RBM19: variants seen among roughly 807,000 people sequenced by gnomAD.
The protein encoded by RBM19 is probable RNA-binding protein 19.
Under a neutral mutation model 116.8 loss-of-function variants are expected in RBM19, and 94 were observed. The observed-to-expected ratio is 0.80, with a 90% CI of 0.68 to 0.95. The LOEUF (loss-of-function observed/expected upper bound fraction) is 0.95, where lower values mean the gene tolerates loss of function less well. Ranked by LOEUF, RBM19 falls within the 40% of genes least tolerant of loss-of-function variation. The pLI, the probability that RBM19 is intolerant of heterozygous loss-of-function variation, is 0.00. For missense variants in RBM19, 1,161 were observed against 1,220.7 expected (o/e 0.95, Z 0.73); for synonymous variants, 475 against 494.1 (o/e 0.96, Z 0.51).
intron 13 of RBM19, 57 bp from the exon 14 acceptor site, chr12:113,942,491 C>A: frequency 7.1e-7 from 1 of 1,407,322 alleles, no homozygotes; most frequent in Non-Finnish European, 9.7e-7. Flanking sequence ...ACTTGCTGGC[C>A]CTCCCATCTC....
At chr12:113,958,117 G>T in intron 5 of RBM19, 67 bp from the exon 6 acceptor site, 1 of 1,540,110 alleles carries the variant, frequency 6.5e-7, no homozygotes. Flanking sequence ...GGTAGCAAAT[G>T]GTAGATGGTC....
rs1313786859 is a variant in RBM19, at chr12:113,858,885, T to A, written c.2570A>T (p.Glu857Val). The change falls in exon 22 of 24, where the codon GAG becomes GTG. Residue 857 changes from glutamate (E) to valine (V), a missense_variant. Transcript: ENST00000261741. ...CTTTGGCAGGCGGACCGTCTTCAACTCCCCAAAGGTGCTAGAAACAAAAGG... is the reference window on the plus strand; with the variant it reads ...CTTTGGCAGGCGGACCGTCTTCAACACCCCAAAGGTGCTAGAAACAAAAGG... ...EIRELFSTFG[E>V]LKTVRLPKKM... The A allele has an allele frequency of 1.2e-6, 2 of 1,614,066 alleles. No homozygotes were observed. Among genetic ancestry groups the A allele is most frequent in the Non-Finnish European group, 1.7e-6 (2 of 1,180,032 alleles).
At chr12:113,897,309 G>T (rs1425852704) in intron 21 of RBM19, among the ~76,000 whole-genome samples, 1 of 152,212 alleles carries the variant, frequency 6.6e-6, no homozygotes, top group African/African-American at 2.4e-5. Context: ...GGGATTACAG[G>T]CGCCCACCAC....
chr12:113,945,991 C>T (rs1054550826), intron 12 of RBM19, 67 bp from the exon 13 acceptor site: 8 of 1,406,618 alleles, frequency 5.7e-6, no homozygotes, highest in Admixed American at 5.5e-5. Flanking sequence ...TTCTCAGACA[C>T]GAATCCTGTA....
intron 22 of RBM19, 105 bp from the exon 23 acceptor site, chr12:113,844,893 G>C (rs1876824377): frequency 6.9e-7 from 1 of 1,443,850 alleles, no homozygotes; most frequent in Admixed American, 2.4e-5. Context: ...CCAAAGCCCA[G>C]GTTCTGGCCC....
chr12:113,938,186 T>C (rs766140573), intron 15 of RBM19, among the ~76,000 whole-genome samples: 1 of 152,106 alleles, frequency 6.6e-6, no homozygotes, highest in Non-Finnish European at 1.5e-5. Flanking sequence ...GTGACTGGCA[T>C]GTCCTCCCAA....
intron 21 of RBM19, among the ~76,000 whole-genome samples, chr12:113,893,705 G>A (rs1451404523): frequency 2.0e-5 from 3 of 152,154 alleles, no homozygotes; most frequent in South Asian, 2.1e-4. Context: ...AGGTATCAGC[G>A]TTTTAAAGAA....
chr12:113,927,679 T>C (rs1333407365), intron 16 of RBM19, among the ~76,000 whole-genome samples: 1 of 150,584 alleles, frequency 6.6e-6, no homozygotes, highest in Non-Finnish European at 1.5e-5. Flanking sequence ...AATTACAGAA[T>C]GGGAACAAAA....
At chr12:113,857,962 C>G (rs1319402791) in intron 22 of RBM19, among the ~76,000 whole-genome samples, 3 of 152,252 alleles carry the variant, frequency 2.0e-5, no homozygotes, top group Non-Finnish European at 4.4e-5. Flanking sequence ...TTTATTTTAG[C>G]CTTGAGGAAT....
intron 7 of RBM19, 45 bp downstream of exon 7, chr12:113,955,086 C>A (rs1001032628): frequency 1.3e-6 from 2 of 1,595,404 alleles, no homozygotes; most frequent in African/African-American, 2.7e-5. Flanking sequence ...ACCCTCGTCT[C>A]CTGCTCCCGC....
chr12:113,915,023 AG>A lies in RBM19; in HGVS notation c.2503del (p.Leu835TrpfsTer24). 6.2e-7 allele frequency: 1 copy of A among 1,614,164 alleles called. No homozygotes were observed. The highest frequency in any genetic ancestry group is 8.5e-7 in the Non-Finnish European group (1 of 1,180,022). On this transcript the variant is annotated frameshift_variant, in exon 21 of 24. Transcript: ENST00000261741. LOFTEE classifies it high-confidence loss of function. ...VPRKQTTSKI[L>X]VRNIPFQAHS... ...GGCCTGGAAGGGGATGTTCCGCACC[AG>A]GATCTTGGAGGTGGTCTGCTTTCTG...
At chr12:113,951,036 A>G (rs1343703762) in intron 8 of RBM19, among the ~76,000 whole-genome samples, 1 of 152,060 alleles carries the variant, frequency 6.6e-6, no homozygotes, top group African/African-American at 2.4e-5. Context: ...CTAAGCTCCC[A>G]GGGGCCCCTG....
intron 21 of RBM19, among the ~76,000 whole-genome samples, chr12:113,892,121 G>A (rs1881002455): frequency 6.6e-6 from 1 of 152,224 alleles, no homozygotes; most frequent in South Asian, 2.1e-4. Context: ...GGAAGGATAA[G>A]AGGCTCTCAG....
chr12:113,882,580 G>T (rs949011305), intron 21 of RBM19, among the ~76,000 whole-genome samples: 1 of 152,262 alleles, frequency 6.6e-6, no homozygotes, highest in Non-Finnish European at 1.5e-5. Flanking sequence ...AGCCAGAGAA[G>T]GCCCTGGAGC....
chr12:113,937,245 T>A (rs1243623861), intron 15 of RBM19, 109 bp from the exon 16 acceptor site: 2 of 1,377,152 alleles, frequency 1.5e-6, no homozygotes, highest in Non-Finnish European at 2.0e-6. Context: ...GATGGGCAAC[T>A]CACCCAAGAA....
At chr12:113,834,757 AGG>A (rs1875728571) in intron 23 of RBM19, among the ~76,000 whole-genome samples, 1 of 152,222 alleles carries the variant, frequency 6.6e-6, no homozygotes, top group East Asian at 1.9e-4. Context: ...TGGAACACCC[AGG>A]TATAGACATT....
At chr12:113,824,750 T>G (rs1195038100) in intron 23 of RBM19, among the ~76,000 whole-genome samples, 1 of 152,030 alleles carries the variant, frequency 6.6e-6, no homozygotes, top group Non-Finnish European at 1.5e-5. Flanking sequence ...TCTGAGCCTG[T>G]TTCTTCAATC....
In RBM19 at chr12:113,844,746, G is replaced by A. The variant is rs756709904; in HGVS notation, c.2707C>T (p.Arg903Trp). 1.2e-6 allele frequency: 2 copies of A among 1,613,574 alleles called. No homozygotes were observed. The highest frequency in any genetic ancestry group is 1.7e-6 in the Non-Finnish European group (2 of 1,179,872). The change falls in exon 23 of 24, where the codon CGG becomes TGG. Residue 903 changes from arginine (R) to tryptophan (W), a missense_variant. Arg to Trp is a moderately radical substitution (Grantham distance 101, BLOSUM62 -3). Coordinates refer to ENST00000261741, the MANE Select transcript of RBM19 (RefSeq NM_016196.4). ...TCGGCCCACTCCAGCACCAGCCTCC[G>A]CCCGTACAAGTGGGTGCTGTGACAC... ...ALCHSTHLYG[R>W]RLVLEWADSE...
Position 113,915,048 on chromosome 12 carries a change from TG to T in RBM19, c.2478del (p.Arg827GlufsTer32). The T allele has an allele frequency of 6.2e-7, 1 of 1,614,218 alleles. No homozygotes were observed. The highest frequency in any genetic ancestry group is 8.5e-7 in the Non-Finnish European group (1 of 1,180,034). ...AVTLARKKQV[P>X]RKQTTSKILV... is the part of the protein sequence containing the mutation. ...AGGATCTTGGAGGTGGTCTGCTTTC[TG>T]GGAACTTGTTTCTTCCGAGCCAATG... On this transcript the variant is annotated frameshift_variant, in exon 21 of 24. Transcript: ENST00000261741. LOFTEE classifies it high-confidence loss of function.
Sources: gnomAD v4.1 joint callset for allele counts (sites outside exome capture counted in the v4.1 genomes callset) on GRCh38, gnomAD v4.1.1 for gene constraint, MANE v1.5 for transcripts, NCBI Gene and HGNC (gene_info 2026-07-23, HGNC 2026-07-21) for gene names.